The following AGAP1 variants were observed in gnomAD, a reference collection of about 807,000 sequenced individuals.
AGAP1 encodes the protein arf-GAP with GTPase, ANK repeat and PH domain-containing protein 1.
A neutral mutation model predicts 105.3 loss-of-function variants in AGAP1; 29 were observed. The observed-to-expected ratio is 0.28, with a 90% CI of 0.21 to 0.38. The LOEUF is 0.38. AGAP1 is among the 10% of genes least tolerant of loss of function. The pLI is 1.00. For synonymous variants in AGAP1, 509 were observed against 485.9 expected (o/e 1.05, Z -0.63); for missense variants, 998 against 1,165.1 (o/e 0.86, Z 2.09).
At chr2:235,797,693 C>G (rs1349092117) in intron 6 of AGAP1, 66 bp from the exon 7 acceptor site, 2 of 1,595,760 alleles carry the variant, frequency 1.3e-6, no homozygotes, top group Non-Finnish European at 1.7e-6. Flanking sequence ...GACTGATGAT[C>G]TCTGCTCTGT....
chr2:235,597,079 C>T (rs1945549860), intron 1 of AGAP1, among the ~76,000 whole-genome samples: 1 of 152,216 alleles, frequency 6.6e-6, no homozygotes, highest in South Asian at 2.1e-4. Flanking sequence ...CCCCAGCCGA[C>T]TCATCACAGC....
In AGAP1 at chr2:236,058,292, A is replaced by G. The variant is rs1374947485; in HGVS notation, c.2114+9011A>G. ...CCCAGGTCTTCTGTTTTCTTCCTTTACCAGACTGTTGTCTGGCTTAGCATA... is the reference window on the plus strand; with the variant it reads ...CCCAGGTCTTCTGTTTTCTTCCTTTGCCAGACTGTTGTCTGGCTTAGCATA... On this transcript the variant is annotated intron_variant, in intron 16 of 17. Coordinates refer to ENST00000304032, the MANE Select transcript of AGAP1 (RefSeq NM_001037131.3). This position sits in a 1 kb window ranked among gnomAD's most constrained non-coding sequence, Gnocchi z 4.6. 6.6e-6 allele frequency among the ~76,000 whole-genome samples: 1 copy of G among 152,104 alleles called. No homozygotes were observed. The highest frequency in any genetic ancestry group is 1.5e-5 in the Non-Finnish European group (1 of 68,030).
At chr2:235,702,199 G>A (rs1950291269) in intron 1 of AGAP1, among the ~76,000 whole-genome samples, 1 of 152,136 alleles carries the variant, frequency 6.6e-6, no homozygotes, top group Non-Finnish European at 1.5e-5. Context: ...TCTAATATTG[G>A]CTGCATGCTG....
chr2:235,628,329 G>A (rs1946709710), intron 1 of AGAP1, among the ~76,000 whole-genome samples: 1 of 152,228 alleles, frequency 6.6e-6, no homozygotes, highest in Admixed American at 6.5e-5. Flanking sequence ...AGGATACTGA[G>A]CCTGACCACT....
intron 1 of AGAP1, among the ~76,000 whole-genome samples, chr2:235,607,193 C>T (rs1945972422): frequency 6.6e-6 from 1 of 152,032 alleles, no homozygotes; most frequent in Non-Finnish European, 1.5e-5. Flanking sequence ...AGAGCCCCCC[C>T]TTCCCTGCCC....
chr2:235,978,667 A>G, intron 13 of AGAP1, among the ~76,000 whole-genome samples: 1 of 152,190 alleles, frequency 6.6e-6, no homozygotes, highest in Admixed American at 6.5e-5. Context: ...AAAAGGCTTC[A>G]GGGGGTTGGA....
chr2:235,676,523 T>C (rs1399123643), intron 1 of AGAP1, among the ~76,000 whole-genome samples: 1 of 152,224 alleles, frequency 6.6e-6, no homozygotes, highest in East Asian at 1.9e-4. Flanking sequence ...TGTAGGAGTT[T>C]ACCAGGTAGA....
chr2:235,898,289 T>G (rs2050902593), intron 10 of AGAP1, among the ~76,000 whole-genome samples: 1 of 152,122 alleles, frequency 6.6e-6, no homozygotes, highest in East Asian at 1.9e-4. Context: ...GGGCCTTTTG[T>G]TTTTCCCCCT....
At chr2:235,985,846 A>G (rs1010336950) in intron 13 of AGAP1, among the ~76,000 whole-genome samples, 4 of 152,220 alleles carry the variant, frequency 2.6e-5, no homozygotes, top group African/African-American at 9.7e-5. Flanking sequence ...TTTTGGTACC[A>G]GTACCATGCT....
Position 235,919,098 on chromosome 2 carries a change from G to A in AGAP1, c.1324+10192G>A, listed in dbSNP as rs2052040926. 6.6e-6 allele frequency among the ~76,000 whole-genome samples: 1 copy of A among 152,170 alleles called. No homozygotes were observed. The highest frequency in any genetic ancestry group is 1.5e-5 in the Non-Finnish European group (1 of 68,030). On this transcript the variant is annotated intron_variant, in intron 11 of 17. Coordinates refer to ENST00000304032, the MANE Select transcript of AGAP1 (RefSeq NM_001037131.3). This position sits in a 1 kb window ranked among gnomAD's most constrained non-coding sequence, Gnocchi z 4.1. ...AACTGATGCTTCCGAGACCAGCGAA[G>A]TGGTCTGCAGGGTCAGCTGTGGGAA... is the stretch of plus-strand genomic sequence containing the variant.
intron 11 of AGAP1, among the ~76,000 whole-genome samples, chr2:235,923,683 CTTG>C (rs1399502846): frequency 5.3e-5 from 8 of 152,146 alleles, no homozygotes; most frequent in Non-Finnish European, 7.3e-5. Context: ...TCAGTAGTTC[CTTG>C]TTGTCATTGG....
In AGAP1 at chr2:235,724,976, G is replaced by A. The variant is rs1161864742; in HGVS notation, c.310+7332G>A. On this transcript the variant is annotated intron_variant, in intron 3 of 17. Transcript: ENST00000304032. The surrounding 1 kb of genome is among the most constrained non-coding windows in gnomAD (Gnocchi z 4.9). The stretch of plus-strand genomic sequence containing the variant: ...GAGGTTCTGTAGGAAGGAATGAGCC[G>A]CTTCACCTCCTGGAGAAAGGACGTC... Among the ~76,000 whole-genome samples the A allele has an allele frequency of 3.3e-5, 5 of 152,328 alleles. No homozygotes were observed. Among genetic ancestry groups the A allele is most frequent in the Admixed American group, 1.3e-4 (2 of 15,302 alleles).
At position 236,127,993 on chromosome 2, in the gene AGAP1, T is replaced by G. The variant is rs1041687232; in HGVS notation, c.*3871T>G. 6.6e-6 allele frequency: 1 copy of G among 151,828 alleles called. No homozygotes were observed. Among genetic ancestry groups the G allele is most frequent in the Admixed American group, 6.6e-5 (1 of 15,216 alleles). The allele number at this position is 151,828 out of a possible 1,614,324, so 9.4% of individuals were successfully genotyped here. A position where few individuals can be genotyped will look rare whatever the true frequency, so the allele number is the denominator to read the frequency against. ...GAAACACTGATGGGACCGAAGCCAG[T>G]GCACACACCAGGAAACCTGCCCGTG... On this transcript the variant is annotated 3_prime_UTR_variant, in exon 18 of 18. Transcript: ENST00000304032. This position sits in a 1 kb window ranked among gnomAD's most constrained non-coding sequence, Gnocchi z 6.6.
intron 12 of AGAP1, among the ~76,000 whole-genome samples, chr2:235,942,272 G>A (rs920124564): frequency 1.3e-5 from 2 of 152,282 alleles, no homozygotes; most frequent in East Asian, 3.9e-4. Flanking sequence ...GTAGCCACGG[G>A]TAGAGCCGTC....
At chr2:235,709,997 A>G (rs1950766562) in intron 2 of AGAP1, among the ~76,000 whole-genome samples, 1 of 150,826 alleles carries the variant, frequency 6.6e-6, no homozygotes, top group South Asian at 2.1e-4. Flanking sequence ...ATATTTATGT[A>G]GGTATCTATG....
In AGAP1 at chr2:235,625,965, T is replaced by G. The variant is rs1458601866; in HGVS notation, c.164-83214T>G. On this transcript the variant is annotated intron_variant, in intron 1 of 17. Transcript: ENST00000304032. The surrounding 1 kb of genome is among the most constrained non-coding windows in gnomAD (Gnocchi z 4.0). ...AGTAGAATATTAGCAGAGCTATTTGTAAAAATAATGCACAGGCATTTGCTG... is the reference window on the plus strand; with the variant it reads ...AGTAGAATATTAGCAGAGCTATTTGGAAAAATAATGCACAGGCATTTGCTG... Among the ~76,000 whole-genome samples, 1 of 152,176 alleles carries G rather than the reference T, an allele frequency of 6.6e-6. No individual in the cohort carries two copies. The highest frequency in any genetic ancestry group is 6.5e-5 in the Admixed American group (1 of 15,272).
rs1227849646 is a variant in AGAP1 at position 236,080,197 on chromosome 2, T to C, written c.2114+30916T>C. 6.6e-6 allele frequency among the ~76,000 whole-genome samples: 1 copy of C among 152,182 alleles called. No individual in the cohort carries two copies. The highest frequency in any genetic ancestry group is 1.5e-5 in the Non-Finnish European group (1 of 68,038). ...AGATGCTATCTCCATCATCCAAGGC[T>C]GTTTCCTGTGCATGTTCTTGGAAAG... On this transcript the variant is annotated intron_variant, in intron 16 of 17. Coordinates refer to ENST00000304032, the MANE Select transcript of AGAP1 (RefSeq NM_001037131.3). This position sits in a 1 kb window ranked among gnomAD's most constrained non-coding sequence, Gnocchi z 4.2.
At chr2:235,560,538 A>G (rs1424369283) in intron 1 of AGAP1, among the ~76,000 whole-genome samples, 1 of 152,196 alleles carries the variant, frequency 6.6e-6, no homozygotes, top group Admixed American at 6.5e-5. Flanking sequence ...GGTAATTATG[A>G]GAGTACTTAA....
intron 1 of AGAP1, among the ~76,000 whole-genome samples, chr2:235,522,390 G>T (rs1207971386): frequency 6.6e-6 from 1 of 152,138 alleles, no homozygotes; most frequent in South Asian, 2.1e-4. Context: ...TCCGTAAGAC[G>T]CTCAGCCTCT....
Sources: gnomAD v4.1 joint callset for allele counts (sites outside exome capture counted in the v4.1 genomes callset) on GRCh38, gnomAD v4.1.1 for gene constraint, Gnocchi (gnomAD v3.1) non-coding constraint, MANE v1.5 for transcripts, NCBI Gene and HGNC (gene_info 2026-07-23, HGNC 2026-07-21) for gene names.